Variants in DHRS13 observed in about 807,000 individuals in gnomAD.
The protein encoded by DHRS13 is dehydrogenase/reductase 13, also known as dehydrogenase/reductase SDR family member 13.
In DHRS13, 22 loss-of-function variants were observed where a neutral mutation model predicts 17.9. The ratio of observed to expected loss-of-function variants is 1.23; its 90% CI spans 0.88 to 1.75. The LOEUF (loss-of-function observed/expected upper bound fraction) is 1.75, where lower values mean the gene tolerates loss of function less well. Among genes scored for constraint, DHRS13 ranks in the 40% most tolerant of loss-of-function variants. DHRS13 has a pLI of 0.00. For missense variants in DHRS13, 483 were observed against 519.9 expected (o/e 0.93, Z 0.69); for synonymous variants, 206 against 220.4 (o/e 0.93, Z 0.58).
chr17:28,901,033 G>C lies in DHRS13; in HGVS notation c.639C>G (p.Asn213Lys). 2 of 1,611,516 alleles carry C rather than the reference G, an allele frequency of 1.2e-6. No individual in the cohort carries two copies. Among genetic ancestry groups the C allele is most frequent in the Non-Finnish European group, 1.7e-6 (2 of 1,178,064 alleles). Residue 213 changes from asparagine to lysine, a missense_variant, in exon 4 of 5, where the codon AAC (asparagine) becomes AAG (lysine). Coordinates refer to ENST00000378895, the MANE Select transcript of DHRS13 (RefSeq NM_144683.4). This position sits in a 1 kb window ranked among gnomAD's most constrained non-coding sequence, Gnocchi z 4.3. ...ANVLFARELA[N>K]QLEATGVTCY... Reference sequence around the variant, plus strand: ...AGGTGACGCCAGTGGCCTCAAGCTGGTTGGCGAGCTCCCGGGCAAACAGTA... The same window carrying C: ...AGGTGACGCCAGTGGCCTCAAGCTGCTTGGCGAGCTCCCGGGCAAACAGTA...
chr17:28,901,762 C>G lies in DHRS13; in HGVS notation c.247-146G>C, dbSNP rs2039807815. 2 of 1,353,574 alleles carry G rather than the reference C, an allele frequency of 1.5e-6. No individual in the cohort carries two copies. The highest frequency in any genetic ancestry group is 2.0e-6 in the Non-Finnish European group (2 of 1,021,580). The allele number at this position is 1,353,574 out of a possible 1,614,324, so 83.8% of individuals were successfully genotyped here. On this transcript the variant is annotated intron_variant, in intron 2 of 4. Transcript: ENST00000378895. The surrounding 1 kb of genome is among the most constrained non-coding windows in gnomAD (Gnocchi z 4.3). ...AGTGTACTAGATAAGTGTGTGGATT[C>G]AAATCCTGACTTTGCCTTTTACTAA...
Position 28,898,286 on chromosome 17 carries a change from C to T in DHRS13, c.*155G>A, listed in dbSNP as rs2039776074. On this transcript the variant is annotated 3_prime_UTR_variant, in exon 5 of 5. Coordinates refer to ENST00000378895, the MANE Select transcript of DHRS13 (RefSeq NM_144683.4). ...AAATAATCACCCATTATTCCTTCAA[C>T]CAGGAAAAGAGATGTCCAGGGCACA... is the stretch of plus-strand genomic sequence containing the variant. 1 of 724,714 alleles carries T rather than the reference C, an allele frequency of 1.4e-6. No individual in the cohort carries two copies. Among genetic ancestry groups the T allele is most frequent in the Admixed American group, 3.1e-5 (1 of 32,500 alleles). The allele number at this position is 724,714 out of a possible 1,614,324, so 44.9% of individuals were successfully genotyped here. A position where few individuals can be genotyped will look rare whatever the true frequency, so the allele number is the denominator to read the frequency against.
chr17:28,898,171 G>T lies in DHRS13; in HGVS notation c.*270C>A. The T allele has an allele frequency of 2.1e-6, 1 of 484,724 alleles. No homozygotes were observed. The highest frequency in any genetic ancestry group is 3.6e-6 in the Non-Finnish European group (1 of 275,630). 30.0% of individuals were successfully genotyped at this position (484,724 alleles called of 1,614,324 possible). On this transcript the variant is annotated 3_prime_UTR_variant, in exon 5 of 5. Transcript: ENST00000378895. ...GCTGATCAGAATCAATAAGGGTGGG[G>T]CCTGAAAATACTACATCCAAATTTC...
rs867568916 is a variant in DHRS13 at position 28,901,197 on chromosome 17, C to T, written c.475G>A (p.Ala159Thr). 6.2e-7 allele frequency: 1 copy of T among 1,614,212 alleles called. No individual in the cohort carries two copies. Among genetic ancestry groups the T allele is most frequent in the African/African-American group, 1.3e-5 (1 of 75,056 alleles). The change falls in exon 4 of 5, where the codon GCA becomes ACA. Residue 159 changes from alanine to threonine, a missense_variant. Transcript: ENST00000378895. This position sits in a 1 kb window ranked among gnomAD's most constrained non-coding sequence, Gnocchi z 4.3. ...LTHLLLPCLK[A>T]CAPSRVVVVA... Reference sequence around the variant, plus strand: ...ACCACCACGCGGCTAGGGGCACATGCCTTCAGGCAAGGCAGCAGCAGATGT... The same window carrying T: ...ACCACCACGCGGCTAGGGGCACATGTCTTCAGGCAAGGCAGCAGCAGATGT...
Position 28,898,742 on chromosome 17 carries a change from C to T in DHRS13, c.833G>A (p.Ser278Asn), listed in dbSNP as rs780957393. ...ATGGCAGTTGGCAAAATATCTCCCA[C>T]TGAGGGGCTCGATGCCCTCTTGTAG... ...CALQEGIEPL[S>N]GRYFANCHVE... The change falls in exon 5 of 5, where the codon AGT (serine) becomes AAT (asparagine). Residue 278 changes from serine (S) to asparagine (N), a missense_variant. Ser to Asn is a conservative substitution (Grantham distance 46). Transcript: ENST00000378895. 3 of 1,613,856 alleles carry T rather than the reference C, an allele frequency of 1.9e-6. No homozygotes were observed. The Admixed American group carries it at 5.0e-5, about 27-fold the overall frequency.
rs760496093 is a variant in DHRS13 at position 28,897,861 on chromosome 17, T to C, written c.*580A>G. On this transcript the variant is annotated 3_prime_UTR_variant, in exon 5 of 5. Transcript: ENST00000378895. The surrounding 1 kb of genome is among the most constrained non-coding windows in gnomAD (Gnocchi z 4.4). The stretch of plus-strand genomic sequence containing the variant: ...CTGCATCCGCCCGGAAGGCGTCCCC[T>C]TACTCCCATGGGGCACCTCGATACC... 316 of 257,714 alleles carry C rather than the reference T, an allele frequency of 1.2e-3. 3 individuals are homozygous for C. The highest frequency in any genetic ancestry group is 1.9e-3 in the Non-Finnish European group (262 of 137,730). 16.0% of individuals were successfully genotyped at this position (257,714 alleles called of 1,614,324 possible). A position where few individuals can be genotyped will look rare whatever the true frequency, so the allele number is the denominator to read the frequency against.
At position 28,901,454 on chromosome 17, in the gene DHRS13, C is replaced by T. The variant is rs1325395600; in HGVS notation, c.370+39G>A. The T allele has an allele frequency of 2.5e-6, 4 of 1,611,946 alleles. No homozygotes were observed. Among genetic ancestry groups the T allele is most frequent in the African/African-American group, 2.7e-5 (2 of 74,892 alleles). ...GGAGGGGGCAGTTGCCCCTGGCCAC[C>T]CGCCACCCCACCCCCACGCAGGGCC... On this transcript the variant is annotated intron_variant, in intron 3 of 4. Coordinates refer to ENST00000378895, the MANE Select transcript of DHRS13 (RefSeq NM_144683.4). The surrounding 1 kb of genome is among the most constrained non-coding windows in gnomAD (Gnocchi z 4.3).
chr17:28,902,912 C>A lies in DHRS13; in HGVS notation c.33G>T (p.Leu11=). ...AGTAGACAAGCACGTAAGCGCCCAG[C>A]AGCAACCCCGCGCCCAGCAGCAGCG... The part of the protein sequence containing the change: MEALLLGAGL[L]LGAYVLVYYN... The change falls in exon 1 of 5, where the codon CTG becomes CTT. Residue 11 remains leucine, a synonymous_variant. Coordinates refer to ENST00000378895, the MANE Select transcript of DHRS13 (RefSeq NM_144683.4). This position sits in a 1 kb window ranked among gnomAD's most constrained non-coding sequence, Gnocchi z 4.0. 6.4e-7 allele frequency: 1 copy of A among 1,551,360 alleles called. No homozygotes were observed. The highest frequency in any genetic ancestry group is 8.6e-7 in the Non-Finnish European group (1 of 1,156,838).
At position 28,899,183 on chromosome 17, in the gene DHRS13, C is replaced by G. The variant is rs547565746; in HGVS notation, c.683-291G>C. On this transcript the variant is annotated intron_variant, in intron 4 of 4. Coordinates refer to ENST00000378895, the MANE Select transcript of DHRS13 (RefSeq NM_144683.4). The surrounding 1 kb of genome is among the most constrained non-coding windows in gnomAD (Gnocchi z 4.7). Reference sequence around the variant, plus strand: ...ACTCATTTCCTGCATGAAGCCTCTTCGCTTCCATCCAGACTGCTTGTTCAC... The same window carrying G: ...ACTCATTTCCTGCATGAAGCCTCTTGGCTTCCATCCAGACTGCTTGTTCAC... The G allele has an allele frequency of 6.3e-6, 2 of 317,228 alleles. No individual in the cohort carries two copies. The highest frequency in any genetic ancestry group is 1.2e-5 in the Non-Finnish European group (2 of 172,588). The allele number at this position is 317,228 out of a possible 1,614,324, so 19.7% of individuals were successfully genotyped here. A position where few individuals can be genotyped will look rare whatever the true frequency, so the allele number is the denominator to read the frequency against.
At position 28,901,347 on chromosome 17, in the gene DHRS13, G is replaced by A. The variant is rs2039803687; in HGVS notation, c.371-46C>T. The A allele has an allele frequency of 6.3e-7, 1 of 1,581,414 alleles. No individual in the cohort carries two copies. Among genetic ancestry groups the A allele is most frequent in the Non-Finnish European group, 8.6e-7 (1 of 1,162,316 alleles). ...GAGCGGCTGCTCCAGAAGGAGCTCTGCAGCCTTGGCATCCCTATCTATGAG... is the reference window on the plus strand; with the variant it reads ...GAGCGGCTGCTCCAGAAGGAGCTCTACAGCCTTGGCATCCCTATCTATGAG... On this transcript the variant is annotated intron_variant, in intron 3 of 4. Transcript: ENST00000378895. This position sits in a 1 kb window ranked among gnomAD's most constrained non-coding sequence, Gnocchi z 4.3.
In DHRS13 at chr17:28,898,690, T is replaced by A. The variant is rs968817970; in HGVS notation, c.885A>T (p.Arg295=). 2.5e-6 allele frequency: 4 copies of A among 1,613,552 alleles called. No homozygotes were observed. In the African/African-American group the frequency reaches 4.0e-5, roughly 16 times the overall value. The change falls in exon 5 of 5, where the codon CGA becomes CGT. Residue 295 remains arginine, a synonymous_variant. Transcript: ENST00000378895. ...ATAGCCGATGGGCTGCCCGGTCGTC[T>A]CGGGCAGCTGGAGGCACCTCTTCCA... is the stretch of plus-strand genomic sequence containing the variant. ...CHVEEVPPAA[R]DDRAAHRLWE...
chr17:28,898,123 A>G lies in DHRS13; in HGVS notation c.*318T>C. The G allele has an allele frequency of 2.7e-6, 1 of 365,532 alleles. No homozygotes were observed. The highest frequency in any genetic ancestry group is 5.0e-6 in the Non-Finnish European group (1 of 201,480). 22.6% of individuals were successfully genotyped at this position (365,532 alleles called of 1,614,324 possible). On this transcript the variant is annotated 3_prime_UTR_variant, in exon 5 of 5. Transcript: ENST00000378895. ...CAATGTTGGCAGTGCATCACATTGC[A>G]AACTCCCTGCCTCTGCTCCAGAGCT...
rs1356185823 is a variant in DHRS13 at position 28,899,880 on chromosome 17, G to C, written c.683-988C>G. Among the ~76,000 whole-genome samples, 1 of 151,490 alleles carries C rather than the reference G, an allele frequency of 6.6e-6. No homozygotes were observed. Among genetic ancestry groups the C allele is most frequent in the African/African-American group, 2.4e-5 (1 of 41,194 alleles). On this transcript the variant is annotated intron_variant, in intron 4 of 4. Transcript: ENST00000378895. This position sits in a 1 kb window ranked among gnomAD's most constrained non-coding sequence, Gnocchi z 4.7. Reference sequence around the variant, plus strand: ...TAGCCACAATGCCTAGCTAATTTTTGTATTTGTAGTAGAGACAGGTTTTCT... The same window carrying C: ...TAGCCACAATGCCTAGCTAATTTTTCTATTTGTAGTAGAGACAGGTTTTCT...
intron 4 of DHRS13, among the ~76,000 whole-genome samples, chr17:28,900,319 G>A (rs1227437953): frequency 1.3e-5 from 2 of 152,144 alleles, no homozygotes; most frequent in African/African-American, 4.8e-5. Context: ...ATGAGCCACC[G>A]CTTCCAGCCC....
chr17:28,902,769 T>C lies in DHRS13; in HGVS notation c.127+49A>G. On this transcript the variant is annotated intron_variant, in intron 1 of 4. Coordinates refer to ENST00000378895, the MANE Select transcript of DHRS13 (RefSeq NM_144683.4). This position sits in a 1 kb window ranked among gnomAD's most constrained non-coding sequence, Gnocchi z 4.0. Reference sequence around the variant, plus strand: ...GGCCGCTGCTACCGCCGGCCCGGCCTCCTCTCCGCGCGCCCCGCCAGCTCG... The same window carrying C: ...GGCCGCTGCTACCGCCGGCCCGGCCCCCTCTCCGCGCGCCCCGCCAGCTCG... 1 of 1,437,620 alleles carries C rather than the reference T, an allele frequency of 7.0e-7. No individual in the cohort carries two copies. The highest frequency in any genetic ancestry group is 9.1e-7 in the Non-Finnish European group (1 of 1,102,138). The allele number at this position is 1,437,620 out of a possible 1,614,324, so 89.1% of individuals were successfully genotyped here.
chr17:28,901,236 G>C lies in DHRS13; in HGVS notation c.436C>G (p.Pro146Ala), dbSNP rs148463808. The C allele has an allele frequency of 2.7e-4, 437 of 1,614,188 alleles. 2 individuals carry two copies. The African/African-American group carries it at 5.0e-3, about 19-fold the overall frequency. Residue 146 changes from proline to alanine, a missense_variant, in exon 4 of 5, where the codon CCC (proline) becomes GCC (alanine). By Grantham distance (27) the Pro-to-Ala change is conservative. Coordinates refer to ENST00000378895, the MANE Select transcript of DHRS13 (RefSeq NM_144683.4). This position sits in a 1 kb window ranked among gnomAD's most constrained non-coding sequence, Gnocchi z 4.3. The stretch of plus-strand genomic sequence containing the variant: ...AGCAGCAGATGTGTCAGCAGAAAGG[G>C]ACCGATATGGTTCACCCGAAGCAGC... The part of the protein sequence containing the change: ...NLLLRVNHIG[P>A]FLLTHLLLPC...
Position 28,901,420 on chromosome 17 carries a change from G to T in DHRS13, c.370+73C>A. ...CCATGTGTCCACTGGCCCCAGCAGG[G>T]CCCCCGCTGGAGGGGGCAGTTGCCC... is the stretch of plus-strand genomic sequence containing the variant. On this transcript the variant is annotated intron_variant, in intron 3 of 4. Transcript: ENST00000378895. The surrounding 1 kb of genome is among the most constrained non-coding windows in gnomAD (Gnocchi z 4.3). 6.2e-7 allele frequency: 1 copy of T among 1,605,698 alleles called. No individual in the cohort carries two copies. Among genetic ancestry groups the T allele is most frequent in the South Asian group, 1.1e-5 (1 of 90,318 alleles).
Position 28,898,511 on chromosome 17 carries a change from C to G in DHRS13, c.1064G>C (p.Ser355Thr). The change falls in exon 5 of 5, where the codon AGC becomes ACC. Residue 355 changes from serine to threonine, a missense_variant. By Grantham distance (58) the Ser-to-Thr change is moderately conservative. Transcript: ENST00000378895. ...TVSQPYPSPQ[S>T]SPDLSKMTHR... ...CGTCATCTTAGACAAATCTGGTGAGCTCTGAGGGCTGGGGTAAGGTTGAGA... is the reference window on the plus strand; with the variant it reads ...CGTCATCTTAGACAAATCTGGTGAGGTCTGAGGGCTGGGGTAAGGTTGAGA... The G allele has an allele frequency of 6.2e-7, 1 of 1,606,262 alleles. No homozygotes were observed. Among genetic ancestry groups the G allele is most frequent in the South Asian group, 1.1e-5 (1 of 89,852 alleles).
chr17:28,898,099 A>G lies in DHRS13; in HGVS notation c.*342T>C. ...CAAAGGGATCAGTTCACTAATTCTCAATGTTGGCAGTGCATCACATTGCAA... is the reference window on the plus strand; with the variant it reads ...CAAAGGGATCAGTTCACTAATTCTCGATGTTGGCAGTGCATCACATTGCAA... On this transcript the variant is annotated 3_prime_UTR_variant, in exon 5 of 5. Transcript: ENST00000378895. 1 of 312,028 alleles carries G rather than the reference A, an allele frequency of 3.2e-6. No individual in the cohort carries two copies. The highest frequency in any genetic ancestry group is 3.6e-5 in the South Asian group (1 of 27,506). 19.3% of individuals were successfully genotyped at this position (312,028 alleles called of 1,614,324 possible).
Sources: gnomAD v4.1 joint callset for allele counts (sites outside exome capture counted in the v4.1 genomes callset) on GRCh38, gnomAD v4.1.1 for gene constraint, Gnocchi (gnomAD v3.1) non-coding constraint, MANE v1.5 for transcripts, NCBI Gene and HGNC (gene_info 2026-07-23, HGNC 2026-07-21) for gene names.